ABCA13: variants seen among roughly 807,000 people sequenced by gnomAD.
ABCA13 encodes the protein ATP-binding cassette sub-family A member 13.
Under a neutral mutation model 478.7 loss-of-function variants are expected in ABCA13, and 476 were observed. That is an observed-to-expected ratio of 0.99 (90% CI 0.92 to 1.07). ABCA13 has a LOEUF of 1.07. Among genes scored for constraint, ABCA13 ranks in the 50% least tolerant of loss-of-function variants. The pLI is 0.00. For missense variants in ABCA13, 6,060 were observed against 5,910.6 expected (o/e 1.03, Z -0.83); for synonymous variants, 2,252 against 2,158.9 (o/e 1.04, Z -1.20).
At chr7:48,251,146 A>T (rs1792492223) in intron 15 of ABCA13, among the ~76,000 whole-genome samples, 1 of 152,142 alleles carries the variant, frequency 6.6e-6, no homozygotes, top group African/African-American at 2.4e-5. Context: ...GGTTGATGGT[A>T]ACTTCTCCAA....
intron 27 of ABCA13, among the ~76,000 whole-genome samples, chr7:48,326,599 G>T (rs537399750): frequency 6.6e-6 from 1 of 152,276 alleles, no homozygotes; most frequent in South Asian, 2.1e-4. Flanking sequence ...CGTTTTGCAG[G>T]TAAAGAAAGT....
At position 48,269,090 on chromosome 7, in the gene ABCA13, T is replaced by A. The variant is rs1795256435; in HGVS notation, c.2116T>A (p.Ser706Thr). ...NLLKSPTASISRALNFTKHLL... is the reference protein window; with the variant it reads ...NLLKSPTASITRALNFTKHLL... Reference sequence around the variant, plus strand: ...ACTCAAGTCTCCAACAGCTTCCATATCCAGGTAAGTTATCAGAATCCAACT... The same window carrying A: ...ACTCAAGTCTCCAACAGCTTCCATAACCAGGTAAGTTATCAGAATCCAACT... Residue 706 changes from serine (S) to threonine (T), a missense_variant, in exon 16 of 62, where the codon TCC becomes ACC. Physicochemically the swap from Ser to Thr is moderately conservative, Grantham distance 58 (BLOSUM62 1). Around this residue, in one of 3 missense-constraint regions of ABCA13, gnomAD observed 4,423 missense variants for 4,309.1 expected, o/e 1.03. Coordinates refer to ENST00000435803, the MANE Select transcript of ABCA13 (RefSeq NM_152701.5). 2 of 1,518,548 alleles carry A rather than the reference T, an allele frequency of 1.3e-6. No homozygotes were observed. Among genetic ancestry groups the A allele is most frequent in the South Asian group, 1.1e-5 (1 of 87,448 alleles). 94.1% of individuals were successfully genotyped at this position (1,518,548 alleles called of 1,614,324 possible). A position where few individuals can be genotyped will look rare whatever the true frequency, so the allele number is the denominator to read the frequency against.
At position 48,273,082 on chromosome 7, in the gene ABCA13, A is replaced by G. The variant is rs1320353150; in HGVS notation, c.3416A>G (p.Asn1139Ser). 5.0e-6 allele frequency: 8 copies of G among 1,613,662 alleles called. No individual in the cohort carries two copies. Among genetic ancestry groups the G allele is most frequent in the Admixed American group, 1.7e-5 (1 of 59,984 alleles). The change falls in exon 17 of 62, where the codon AAC (asparagine) becomes AGC (serine). Residue 1139 changes from asparagine (N) to serine (S), a missense_variant. Around this residue, in one of 3 missense-constraint regions of ABCA13, gnomAD observed 4,423 missense variants for 4,309.1 expected, o/e 1.03. Coordinates refer to ENST00000435803, the MANE Select transcript of ABCA13 (RefSeq NM_152701.5). ...SNLSANVSVF[N>S]KFMSIHCTVS... ...CTCTCAGCAAATGTCAGTGTGTTCA[A>G]CAAGTTTATGTCCATTCACTGTACC...
chr7:48,327,772 T>C (rs1563058252), intron 27 of ABCA13, among the ~76,000 whole-genome samples: 1 of 152,224 alleles, frequency 6.6e-6, no homozygotes, highest in Non-Finnish European at 1.5e-5. Flanking sequence ...TTTGGGATAC[T>C]GGGTACCTAA....
intron 48 of ABCA13, among the ~76,000 whole-genome samples, chr7:48,500,451 T>C (rs796631301): frequency 3.2e-4 from 49 of 152,286 alleles, no homozygotes; most frequent in African/African-American, 1.2e-3. Context: ...TGAGAAAATA[T>C]CCATTATTTA....
intron 15 of ABCA13, among the ~76,000 whole-genome samples, chr7:48,253,287 A>G (rs1792852858): frequency 6.6e-6 from 1 of 152,186 alleles, no homozygotes; most frequent in African/African-American, 2.4e-5. Flanking sequence ...GCTCTACATC[A>G]GGCAAGACAG....
chr7:48,607,968 C>A (rs1324402987), intron 58 of ABCA13, among the ~76,000 whole-genome samples: 1 of 152,296 alleles, frequency 6.6e-6, no homozygotes, highest in East Asian at 1.9e-4. Context: ...GCAACGTCTG[C>A]CTTGTGGGTT....
In ABCA13 at chr7:48,274,664, C is replaced by A. The variant is rs1373121820; in HGVS notation, c.4998C>A (p.Val1666=). ...AAGCTTTGAAGAAGGTAACTTCTGTCATGCGTACCCTTAAGAAGGCAGACA... is the reference window on the plus strand; with the variant it reads ...AAGCTTTGAAGAAGGTAACTTCTGTAATGCGTACCCTTAAGAAGGCAGACA... ...YMQALKKVTS[V]MRTLKKADID... The change falls in exon 17 of 62, where the codon GTC becomes GTA. Residue 1666 remains valine, a synonymous_variant. Transcript: ENST00000435803. 3 of 1,613,984 alleles carry A rather than the reference C, an allele frequency of 1.9e-6. No individual in the cohort carries two copies. Among genetic ancestry groups the A allele is most frequent in the South Asian group, 2.2e-5 (2 of 91,074 alleles).
At chr7:48,547,090 T>C (rs991595410) in intron 55 of ABCA13, among the ~76,000 whole-genome samples, 5 of 151,964 alleles carry the variant, frequency 3.3e-5, no homozygotes, top group Non-Finnish European at 5.9e-5. Flanking sequence ...CCTCTATGTT[T>C]GTATGTATCA....
chr7:48,487,979 G>T (rs919082455), intron 47 of ABCA13, among the ~76,000 whole-genome samples: 1 of 152,084 alleles, frequency 6.6e-6, no homozygotes, highest in Non-Finnish European at 1.5e-5. Context: ...TAGTTTTTTT[G>T]TTTGTTTGTT....
In ABCA13 at chr7:48,389,106, T is replaced by C; in HGVS notation, c.11540T>C (p.Val3847Ala). Reference sequence around the variant, plus strand: ...GCCCCGGGAGTCACCCTGGTGTCTGTGACCAAGGAATATGAGGGCCACAAG... The same window carrying C: ...GCCCCGGGAGTCACCCTGGTGTCTGCGACCAAGGAATATGAGGGCCACAAG... The part of the protein sequence containing the change: ...GSAPGVTLVS[V>A]TKEYEGHKAV... Residue 3847 changes from valine to alanine, a missense_variant, in exon 37 of 62, where the codon GTG becomes GCG. Val to Ala is a moderately conservative substitution (Grantham distance 64). This residue lies in a region of ABCA13 where 1,627 missense variants were observed against 1,571.0 expected (regional missense o/e 1.04). Transcript: ENST00000435803. 1 of 1,613,980 alleles carries C rather than the reference T, an allele frequency of 6.2e-7. No individual in the cohort carries two copies. Among genetic ancestry groups the C allele is most frequent in the East Asian group, 2.2e-5 (1 of 44,880 alleles).
chr7:48,443,116 A>G (rs932233850), intron 42 of ABCA13, among the ~76,000 whole-genome samples: 14 of 152,230 alleles, frequency 9.2e-5, no homozygotes, highest in African/African-American at 3.1e-4. Flanking sequence ...AGCCGTCGGC[A>G]AACCAAGGAG....
At position 48,279,254 on chromosome 7, in the gene ABCA13, T is replaced by A; in HGVS notation, c.8060T>A (p.Ile2687Asn). Residue 2687 changes from isoleucine (I) to asparagine (N), a missense_variant, in exon 18 of 62, where the codon ATC becomes AAC. By Grantham distance (149) the Ile-to-Asn change is moderately radical. This residue lies in a region of ABCA13 where 4,423 missense variants were observed against 4,309.1 expected (regional missense o/e 1.03). Transcript: ENST00000435803. The stretch of plus-strand genomic sequence containing the variant: ...GGTTGCTTAGTTCCTATAAATAACA[T>A]CACCAACCAAATGGACTTCTTATAC... ...ILGCLVPINNITNQMDFLYPN... is the reference protein window; with the variant it reads ...ILGCLVPINNNTNQMDFLYPN... 6.3e-7 allele frequency: 1 copy of A among 1,588,634 alleles called. No homozygotes were observed. Among genetic ancestry groups the A allele is most frequent in the Non-Finnish European group, 8.6e-7 (1 of 1,165,794 alleles).
chr7:48,209,049 A>G lies in ABCA13; in HGVS notation c.288-10305A>G, dbSNP rs1325657573. ...TTTATTTAATGCTTTTTCAACATCT[A>G]TTGATATGATTATATAGTTTTTGTC... On this transcript the variant is annotated intron_variant, in intron 3 of 61. Transcript: ENST00000435803. 2.0e-5 allele frequency among the ~76,000 whole-genome samples: 3 copies of G among 152,112 alleles called. No individual in the cohort carries two copies. In the South Asian group the frequency reaches 6.2e-4, roughly 32 times the overall value.
At chr7:48,519,920 A>T (rs1204762812) in intron 52 of ABCA13, 121 bp from the exon 53 acceptor site, 1 of 960,792 alleles carries the variant, frequency 1.0e-6, no homozygotes, top group Non-Finnish European at 1.4e-6. Context: ...ATCAGTGAAT[A>T]GTTGGGATAG....
intron 59 of ABCA13, among the ~76,000 whole-genome samples, chr7:48,640,843 G>T (rs554774447): frequency 6.6e-6 from 1 of 152,056 alleles, no homozygotes; most frequent in African/African-American, 2.4e-5. Context: ...ATAATTTTAC[G>T]TTTAGAAGTC....
At chr7:48,218,559 G>A (rs1029484875) in intron 3 of ABCA13, among the ~76,000 whole-genome samples, 2 of 152,122 alleles carry the variant, frequency 1.3e-5, no homozygotes, top group Non-Finnish European at 2.9e-5. Context: ...ACAAAAACAG[G>A]TGAGATTTCT....
intron 55 of ABCA13, among the ~76,000 whole-genome samples, chr7:48,536,987 C>G (rs1311045463): frequency 6.6e-6 from 1 of 152,026 alleles, no homozygotes; most frequent in Non-Finnish European, 1.5e-5. Context: ...AAATTACTTA[C>G]ATAGGATTAT....
chr7:48,590,920 T>C (rs1431560058), intron 57 of ABCA13, among the ~76,000 whole-genome samples: 2 of 152,086 alleles, frequency 1.3e-5, no homozygotes, highest in African/African-American at 4.8e-5. Context: ...CCCGCTGTAG[T>C]TTGTCTGCTT....
Sources: gnomAD v4.1 joint callset for allele counts (sites outside exome capture counted in the v4.1 genomes callset) on GRCh38, gnomAD v4.1.1 for gene constraint, gnomAD v4.1.1 regional missense constraint, MANE v1.5 for transcripts, NCBI Gene and HGNC (gene_info 2026-07-23, HGNC 2026-07-21) for gene names.